The following SNAP23 variants were observed in gnomAD, a reference collection of about 807,000 sequenced individuals.
SNAP23 encodes synaptosomal-associated protein 23.
SNAP23 carries 11 observed loss-of-function variants against 29.0 expected under a neutral mutation model. The ratio of observed to expected loss-of-function variants is 0.38; its 90% CI spans 0.24 to 0.63. The LOEUF (loss-of-function observed/expected upper bound fraction) is 0.63, where lower values mean the gene tolerates loss of function less well. Among genes scored for constraint, SNAP23 ranks in the 20% least tolerant of loss-of-function variants. SNAP23 has a pLI of 0.58. For missense variants in SNAP23, 220 were observed against 253.9 expected (o/e 0.87, Z 0.91); for synonymous variants, 60 against 82.9 (o/e 0.72, Z 1.50).
chr15:42,510,519 C>T (rs1176467425), intron 1 of SNAP23, among the ~76,000 whole-genome samples: 2 of 152,108 alleles, frequency 1.3e-5, no homozygotes, highest in Admixed American at 6.6e-5. Context: ...TGATTCTTTG[C>T]GAGCTTTGTG....
intron 1 of SNAP23, among the ~76,000 whole-genome samples, chr15:42,500,647 C>T (rs1052920132): frequency 6.6e-6 from 1 of 152,094 alleles, no homozygotes; most frequent in Non-Finnish European, 1.5e-5. Context: ...GCGTTGACCT[C>T]CCAAAGTGCT....
rs150736569 is a variant in SNAP23, at chr15:42,530,331, C to A, written c.570+512C>A. ...TGAAAATCTGTTCTGCAGAATAGTT[C>A]TTATGGAGTGGACACACGAAATAGA... is the stretch of plus-strand genomic sequence containing the variant. On this transcript the variant is annotated intron_variant, in intron 7 of 7. Transcript: ENST00000249647. Among the ~76,000 whole-genome samples, 56 of 152,250 alleles carry A rather than the reference C, an allele frequency of 3.7e-4. No individual in the cohort carries two copies. The East Asian group carries it at 8.9e-3, about 24-fold the overall frequency.
At position 42,511,838 on chromosome 15, in the gene SNAP23, T is replaced by G. The variant is rs1252244258; in HGVS notation, c.-9T>G. 1.3e-6 allele frequency: 2 copies of G among 1,574,530 alleles called. No homozygotes were observed. The highest frequency in any genetic ancestry group is 2.4e-5 in the South Asian group (2 of 84,064). ...TCCATTTCTGTGCCTAATAGAGTTT[T>G]GATTCATCATGGATAATCTGTCATC... On this transcript the variant is annotated 5_prime_UTR_variant, in exon 2 of 8. Coordinates refer to ENST00000249647, the MANE Select transcript of SNAP23 (RefSeq NM_003825.4).
intron 1 of SNAP23, among the ~76,000 whole-genome samples, chr15:42,504,327 C>T (rs895163540): frequency 1.3e-5 from 2 of 151,842 alleles, no homozygotes; most frequent in Non-Finnish European, 1.5e-5. Flanking sequence ...GGCAACAGAG[C>T]GAGACTCCGT....
chr15:42,524,635 A>T (rs2057480721), intron 5 of SNAP23, among the ~76,000 whole-genome samples: 1 of 152,204 alleles, frequency 6.6e-6, no homozygotes, highest in South Asian at 2.1e-4. Flanking sequence ...CATTCGTGGA[A>T]AAATAGTCTT....
intron 5 of SNAP23, among the ~76,000 whole-genome samples, chr15:42,517,601 G>A (rs1202737356): frequency 6.6e-6 from 1 of 152,194 alleles, no homozygotes; most frequent in Non-Finnish European, 1.5e-5. Context: ...TCCCAGCCAA[G>A]CATAGGCAAG....
chr15:42,502,057 T>C (rs1340932830), intron 1 of SNAP23, among the ~76,000 whole-genome samples: 1 of 147,788 alleles, frequency 6.8e-6, no homozygotes, highest in East Asian at 2.0e-4. Context: ...AGACGGAGTC[T>C]CGCTCTGTCG....
At chr15:42,528,488 G>A (rs1429814979) in intron 6 of SNAP23, 68 bp downstream of exon 6, 3 of 1,451,850 alleles carry the variant, frequency 2.1e-6, no homozygotes, top group East Asian at 4.5e-5. Flanking sequence ...GATGAGTTTA[G>A]CAGTACATGA....
intron 5 of SNAP23, among the ~76,000 whole-genome samples, chr15:42,516,346 T>C (rs989022850): frequency 6.6e-6 from 1 of 152,116 alleles, no homozygotes; most frequent in Non-Finnish European, 1.5e-5. Flanking sequence ...TCCTTTTTTT[T>C]TTGAGACGGA....
At chr15:42,509,569 A>T (rs993552553) in intron 1 of SNAP23, among the ~76,000 whole-genome samples, 1 of 151,416 alleles carries the variant, frequency 6.6e-6, no homozygotes, top group Admixed American at 6.6e-5. Flanking sequence ...CCTCCCGAGT[A>T]GCTGGGATTA....
intron 1 of SNAP23, among the ~76,000 whole-genome samples, chr15:42,498,271 G>T (rs1317463479): frequency 1.3e-5 from 2 of 152,194 alleles, no homozygotes; most frequent in Admixed American, 1.3e-4. Flanking sequence ...CCCTAGCAGA[G>T]GTTCTCCATG....
intron 1 of SNAP23, among the ~76,000 whole-genome samples, chr15:42,498,277 C>G (rs2057240479): frequency 2.0e-5 from 3 of 152,192 alleles, no homozygotes; most frequent in Admixed American, 1.3e-4. Flanking sequence ...CAGAGGTTCT[C>G]CATGAGGTCT....
intron 1 of SNAP23, among the ~76,000 whole-genome samples, chr15:42,497,944 T>C (rs2057236461): frequency 6.6e-6 from 1 of 152,174 alleles, no homozygotes; most frequent in African/African-American, 2.4e-5. Flanking sequence ...GGGACAGCCA[T>C]TACGTCTTAA....
intron 1 of SNAP23, among the ~76,000 whole-genome samples, chr15:42,498,002 C>G (rs1055434924): frequency 7.9e-5 from 12 of 152,214 alleles, no homozygotes; most frequent in Admixed American, 5.9e-4. Flanking sequence ...CTAGGGCACG[C>G]TGATGCCAAG....
Position 42,519,066 on chromosome 15 carries a change from T to C in SNAP23, c.266+3712T>C, listed in dbSNP as rs936737651. Among the ~76,000 whole-genome samples the C allele has an allele frequency of 6.9e-4, 104 of 151,160 alleles. 1 individual carries two copies. Among genetic ancestry groups the C allele is most frequent in the African/African-American group, 2.4e-3 (101 of 41,246 alleles). On this transcript the variant is annotated intron_variant, in intron 5 of 7. Coordinates refer to ENST00000249647, the MANE Select transcript of SNAP23 (RefSeq NM_003825.4). The stretch of plus-strand genomic sequence containing the variant: ...TTTTGTTTCTTCTTCTTTTTTTTTT[T>C]TTTTTTGAGACGGAGTCTCACTCTG...
intron 5 of SNAP23, chr15:42,522,243 A>C (rs937844245): frequency 7.2e-5 from 11 of 152,224 alleles, no homozygotes; most frequent in African/African-American, 2.4e-4. Flanking sequence ...TGGGATATAA[A>C]ATTTTAAATG....
chr15:42,504,507 A>G (rs2057301866), intron 1 of SNAP23, among the ~76,000 whole-genome samples: 1 of 152,216 alleles, frequency 6.6e-6, no homozygotes, highest in Non-Finnish European at 1.5e-5. Flanking sequence ...ATTTACATAA[A>G]TGTGACTCAT....
chr15:42,514,416 T>C (rs1386482152), intron 4 of SNAP23, among the ~76,000 whole-genome samples: 1 of 152,204 alleles, frequency 6.6e-6, no homozygotes, highest in East Asian at 1.9e-4. Context: ...CCCGAAGTGC[T>C]GGGATTATAG....
At chr15:42,496,121 G>A (rs8028918) in intron 1 of SNAP23, among the ~76,000 whole-genome samples, 1 of 152,134 alleles carries the variant, frequency 6.6e-6, no homozygotes, top group Admixed American at 6.5e-5. Flanking sequence ...CTCTAGAAAG[G>A]TTCAGCCTTA....
Sources: allele counts gnomAD v4.1 joint callset (sites outside exome capture counted in the v4.1 genomes callset), GRCh38; gene constraint gnomAD v4.1.1; transcripts MANE v1.5; gene names NCBI Gene and HGNC (gene_info 2026-07-23, HGNC 2026-07-21).